Variants in COBLL1 observed in about 807,000 individuals in gnomAD.
COBLL1 encodes the protein cordon-bleu protein-like 1.
Under a neutral mutation model 94.8 loss-of-function variants are expected in COBLL1, and 50 were observed. That is an observed-to-expected ratio of 0.53 (90% CI 0.42 to 0.67). The LOEUF (loss-of-function observed/expected upper bound fraction) is 0.67, where lower values mean the gene tolerates loss of function less well. Ranked by LOEUF, COBLL1 falls within the 30% of genes least tolerant of loss-of-function variation. COBLL1 has a pLI of 0.00. For missense variants in COBLL1, 1,362 were observed against 1,348.7 expected (o/e 1.01, Z -0.15); for synonymous variants, 448 against 473.8 (o/e 0.95, Z 0.71).
chr2:164,796,275 A>G (rs1683451365), intron 2 of COBLL1, among the ~76,000 whole-genome samples: 1 of 152,170 alleles, frequency 6.6e-6, no homozygotes, highest in East Asian at 1.9e-4. Context: ...AGGACAAAGT[A>G]CCTGTACATG....
At chr2:164,669,750 T>C (rs1574387830) in intron 1 of COBLL1, among the ~76,000 whole-genome samples, 2 of 152,278 alleles carry the variant, frequency 1.3e-5, no homozygotes, top group South Asian at 4.1e-4. Flanking sequence ...GCCACTTCAC[T>C]GTGAAAATTT....
chr2:164,779,686 C>T (rs577682090), intron 2 of COBLL1: 5 of 471,024 alleles, frequency 1.1e-5, no homozygotes, highest in South Asian at 4.6e-5. Flanking sequence ...CTGAGTCTCT[C>T]GACCAAAAAG....
At chr2:164,670,303 T>C (rs1691224106) in intron 1 of COBLL1, among the ~76,000 whole-genome samples, 1 of 152,206 alleles carries the variant, frequency 6.6e-6, no homozygotes, top group Non-Finnish European at 1.5e-5. Flanking sequence ...AGTGCATAAA[T>C]ATTATCAGTG....
chr2:164,834,213 T>C (rs968996268), intron 2 of COBLL1, among the ~76,000 whole-genome samples: 11 of 152,324 alleles, frequency 7.2e-5, no homozygotes, highest in African/African-American at 2.6e-4. Context: ...TTTTGACTTT[T>C]AGACTCAAAA....
chr2:164,777,331 T>TAC (rs72061846), intron 2 of COBLL1, among the ~76,000 whole-genome samples: 16,765 of 149,082 alleles, frequency 0.11, 954 homozygotes, highest in Middle Eastern at 0.16. Flanking sequence ...AATCATGAGT[T>TAC]ACACACACAC....
intron 2 of COBLL1, among the ~76,000 whole-genome samples, chr2:164,832,462 T>C (rs1285544847): frequency 6.6e-6 from 1 of 152,170 alleles, no homozygotes; most frequent in Non-Finnish European, 1.5e-5. Flanking sequence ...CTATTTAAAG[T>C]CAACCTACAC....
In COBLL1 at chr2:164,682,649, CT is replaced by C; in HGVS notation, c.*3296del. On this transcript the variant is annotated 3_prime_UTR_variant, in exon 14 of 14. Coordinates refer to ENST00000652658, the MANE Select transcript of COBLL1 (RefSeq NM_001365672.2). Reference sequence around the variant, plus strand: ...AGGGAGTATATTAGGCAAATAATACCTGTTCACTTATAGTATTGACATCAGG... The same window carrying C: ...AGGGAGTATATTAGGCAAATAATACCGTTCACTTATAGTATTGACATCAGG... The C allele has an allele frequency of 6.6e-6, 1 of 152,272 alleles. No homozygotes were observed. Among genetic ancestry groups the C allele is most frequent in the East Asian group, 1.9e-4 (1 of 5,186 alleles). The allele number at this position is 152,272 out of a possible 1,614,324, so 9.4% of individuals were successfully genotyped here. A position where few individuals can be genotyped will look rare whatever the true frequency, so the allele number is the denominator to read the frequency against.
chr2:164,731,952 C>T (rs1470959697), intron 3 of COBLL1, among the ~76,000 whole-genome samples: 5 of 152,296 alleles, frequency 3.3e-5, no homozygotes, highest in African/African-American at 9.6e-5. Context: ...CTGTCGGACA[C>T]TGTGTGGTCT....
intron 2 of COBLL1, among the ~76,000 whole-genome samples, chr2:164,826,532 C>T (rs190624647): frequency 2.6e-4 from 39 of 152,318 alleles, no homozygotes; most frequent in African/African-American, 7.0e-4. Flanking sequence ...ATTATTTTCA[C>T]ACTTTCATTC....
At chr2:164,803,798 G>C (rs1559031901) in intron 2 of COBLL1, among the ~76,000 whole-genome samples, 3 of 151,930 alleles carry the variant, frequency 2.0e-5, no homozygotes, top group African/African-American at 4.8e-5. Context: ...AAGCCCTAGA[G>C]GTACTTGAAG....
chr2:164,718,559 C>T (rs920148938), intron 7 of COBLL1, among the ~76,000 whole-genome samples: 5 of 152,166 alleles, frequency 3.3e-5, no homozygotes, highest in African/African-American at 1.2e-4. Flanking sequence ...AAACTGTTAA[C>T]AGTGGTTGCC....
chr2:164,800,586 G>C lies in COBLL1; in HGVS notation c.41+40570C>G, dbSNP rs62173959. The C allele has an allele frequency of 0.13, 89,494 of 699,958 alleles. 7,163 individuals are homozygous for C. Among genetic ancestry groups the C allele is most frequent in the Admixed American group, 0.19 (9,622 of 49,640 alleles). 43.4% of individuals were successfully genotyped at this position (699,958 alleles called of 1,614,324 possible). A position where few individuals can be genotyped will look rare whatever the true frequency, so the allele number is the denominator to read the frequency against. ...AGCATAAAAAAGAAATCAAAATTTT[G>C]TACTTGAAATGAAAATACTGTACTT... On this transcript the variant is annotated intron_variant, in intron 2 of 13. Transcript: ENST00000652658.
upstream of COBLL1, chr2:164,841,873 C>T: frequency 9.4e-7 from 1 of 1,067,686 alleles, no homozygotes; most frequent in Non-Finnish European, 1.3e-6. The surrounding 1 kb of genome is among the most constrained non-coding windows in gnomAD (Gnocchi z 5.5). Flanking sequence ...GCAGGGCCGA[C>T]TCAGCACCTC....
chr2:164,842,020 T>C (rs1447910087), upstream of COBLL1: 4 of 1,538,706 alleles, frequency 2.6e-6, no homozygotes, highest in South Asian at 2.4e-5. Flanking sequence ...CGGCCGCACA[T>C]AAGTGGGGAC....
Position 164,700,735 on chromosome 2 carries a change from C to T in COBLL1, c.1247G>A (p.Ser416Asn), listed in dbSNP as rs1308016228. The T allele has an allele frequency of 6.2e-7, 1 of 1,606,924 alleles. No homozygotes were observed. Among genetic ancestry groups the T allele is most frequent in the African/African-American group, 1.3e-5 (1 of 74,748 alleles). Residue 416 changes from serine to asparagine, a missense_variant, in exon 10 of 14, where the codon AGC (serine) becomes AAC (asparagine). By Grantham distance (46) the Ser-to-Asn change is conservative. Coordinates refer to ENST00000652658, the MANE Select transcript of COBLL1 (RefSeq NM_001365672.2). ...SSPAGISSDY[S>N]LEEIDEKEEL... ...TTCCTTTTCATCTATCTCTTCAAGG[C>T]TATAATCAGAGCTTATTCCAGCTAC...
intron 7 of COBLL1, among the ~76,000 whole-genome samples, chr2:164,711,747 GACT>G (rs1288421690): frequency 1.3e-5 from 2 of 152,072 alleles, no homozygotes; most frequent in Non-Finnish European, 2.9e-5. Flanking sequence ...TTCAAATTAT[GACT>G]ACATTTTAAA....
At chr2:164,818,783 C>CATATATATATATATAT (rs1559047147) in intron 2 of COBLL1, among the ~76,000 whole-genome samples, 104 of 117,556 alleles carry the variant, frequency 8.8e-4, no homozygotes, top group African/African-American at 2.8e-3. Context: ...TATATATATA[C>CATATATATATATATAT]ATATAATTTT....
intron 1 of COBLL1, among the ~76,000 whole-genome samples, chr2:164,671,240 A>C (rs1691236605): frequency 6.6e-6 from 1 of 152,136 alleles, no homozygotes; most frequent in Non-Finnish European, 1.5e-5. Flanking sequence ...ACTATAACAA[A>C]AAATAATTAG....
intron 7 of COBLL1, among the ~76,000 whole-genome samples, chr2:164,711,812 A>G (rs1010100116): frequency 2.0e-5 from 3 of 152,216 alleles, no homozygotes; most frequent in African/African-American, 7.2e-5. Flanking sequence ...AAAATGAGAA[A>G]ACACAGAGGT....
Sources: allele counts gnomAD v4.1 joint callset (sites outside exome capture counted in the v4.1 genomes callset), GRCh38; gene constraint gnomAD v4.1.1; non-coding constraint Gnocchi (gnomAD v3.1); transcripts MANE v1.5; gene names NCBI Gene and HGNC (gene_info 2026-07-23, HGNC 2026-07-21).